The following PGBD5 variants were observed in gnomAD, a reference collection of about 807,000 sequenced individuals.
PGBD5 encodes the protein piggyBac transposable element-derived protein 5.
Under a neutral mutation model 47.9 loss-of-function variants are expected in PGBD5, and 14 were observed. The observed-to-expected ratio is 0.29, with a 90% CI of 0.19 to 0.46. The LOEUF (loss-of-function observed/expected upper bound fraction) is 0.46, where lower values mean the gene tolerates loss of function less well. Ranked by LOEUF, PGBD5 falls within the 20% of genes least tolerant of loss-of-function variation. The pLI, the probability that PGBD5 is intolerant of heterozygous loss-of-function variation, is 1.00. For synonymous variants in PGBD5, 316 were observed against 306.3 expected, an observed-to-expected ratio of 1.03 and a Z score of -0.33; for missense variants, 635 against 716.0, an observed-to-expected ratio of 0.89 and a Z score of 1.29.
intron 1 of PGBD5, among the ~76,000 whole-genome samples, chr1:230,369,656 C>T (rs1021492084): frequency 1.3e-5 from 2 of 152,108 alleles, no homozygotes; most frequent in African/African-American, 4.8e-5. Context: ...GAGTGTGTGT[C>T]ACAATATATC....
intron 1 of PGBD5, among the ~76,000 whole-genome samples, chr1:230,388,710 C>A (rs1012084305): frequency 1.3e-5 from 2 of 152,212 alleles, no homozygotes; most frequent in Admixed American, 6.5e-5. Flanking sequence ...CCACCGCACC[C>A]GGCCTGTTGG....
rs144593164 is a variant in PGBD5, at chr1:230,357,101, G to C, written c.552C>G (p.Ser184=). 1.9e-6 allele frequency: 3 copies of C among 1,614,154 alleles called. No homozygotes were observed. In the African/African-American group the frequency reaches 4.0e-5, roughly 22 times the overall value. ...AGCCTCCGCTCCAGATGCTGAGGACGGACTCGCAGTGGGAGATGCTGGTGG... is the reference window on the plus strand; with the variant it reads ...AGCCTCCGCTCCAGATGCTGAGGACCGACTCGCAGTGGGAGATGCTGGTGG... ...MISTSISHCE[S]VLSIWSGGFY... is the part of the protein sequence containing the mutation. The change falls in exon 2 of 7, where the codon TCC becomes TCG. Residue 184 remains serine (S), a synonymous_variant. Transcript: ENST00000391860. This position sits in a 1 kb window ranked among gnomAD's most constrained non-coding sequence, Gnocchi z 5.7.
chr1:230,400,360 A>C (rs1657106862), intron 1 of PGBD5, among the ~76,000 whole-genome samples: 1 of 149,648 alleles, frequency 6.7e-6, no homozygotes. Flanking sequence ...CAAGCCCCCT[A>C]AACCTGCCTA....
chr1:230,377,669 C>G (rs760984840), intron 1 of PGBD5: 2 of 1,452,448 alleles, frequency 1.4e-6, no homozygotes, highest in Non-Finnish European at 9.1e-7. Context: ...TAATCCCACA[C>G]AGCCTTCATT....
chr1:230,336,291 AAAGTG>A (rs1229382358), intron 4 of PGBD5: 1 of 152,192 alleles, frequency 6.6e-6, no homozygotes, highest in East Asian at 1.9e-4. Flanking sequence ...AGGCCAGCAA[AAAGTG>A]AAGTCCAGGG....
At position 230,330,378 on chromosome 1, in the gene PGBD5, T is replaced by C. The variant is rs1321938727; in HGVS notation, c.1273+2466A>G. Among the ~76,000 whole-genome samples the C allele has an allele frequency of 3.9e-5, 6 of 152,254 alleles. No individual in the cohort carries two copies. In the East Asian group the frequency reaches 1.2e-3, roughly 29 times the overall value. On this transcript the variant is annotated intron_variant, in intron 5 of 6. Transcript: ENST00000391860. ...CGCTTTTGGATTTACCCAGAGGAAA[T>C]GATCAAAGATGTGCCCAAATGTTTA...
chr1:230,335,670 T>C (rs1215248162), intron 4 of PGBD5, among the ~76,000 whole-genome samples: 5 of 29,024 alleles, frequency 1.7e-4, no homozygotes, highest in Admixed American at 3.9e-4. Context: ...CACACACAGA[T>C]ACACAGATAC....
intron 6 of PGBD5, among the ~76,000 whole-genome samples, chr1:230,324,711 G>C (rs1667088419): frequency 6.6e-6 from 1 of 152,144 alleles, no homozygotes; most frequent in Non-Finnish European, 1.5e-5. Flanking sequence ...CATCATGGTG[G>C]CTATAATGGC....
At chr1:230,399,060 G>GC (rs896737340) in intron 1 of PGBD5, among the ~76,000 whole-genome samples, 1 of 150,270 alleles carries the variant, frequency 6.7e-6, no homozygotes, top group South Asian at 2.1e-4. Context: ...GGTTACTAAG[G>GC]GGGGGTGGCT....
At chr1:230,338,114 A>G (rs1049418785) in intron 3 of PGBD5, among the ~76,000 whole-genome samples, 1 of 152,266 alleles carries the variant, frequency 6.6e-6, no homozygotes, top group Non-Finnish European at 1.5e-5. Flanking sequence ...TTATTTCTAC[A>G]TTAACACATG....
intron 3 of PGBD5, among the ~76,000 whole-genome samples, chr1:230,343,207 C>T (rs1001135495): frequency 2.6e-5 from 4 of 152,210 alleles, no homozygotes; most frequent in Non-Finnish European, 5.9e-5. Flanking sequence ...GCACCGCTGA[C>T]CCCTGTGGGA....
At chr1:230,381,699 G>C (rs968934882) in intron 1 of PGBD5, among the ~76,000 whole-genome samples, 1 of 152,160 alleles carries the variant, frequency 6.6e-6, no homozygotes, top group Admixed American at 6.5e-5. Context: ...CCTAGTCCAA[G>C]TCCCAGCCAC....
chr1:230,422,715 C>T (rs867510674), intron 1 of PGBD5, among the ~76,000 whole-genome samples: 2 of 152,256 alleles, frequency 1.3e-5, no homozygotes, highest in African/African-American at 2.4e-5. Context: ...AGGAGCTGAT[C>T]TAGGAAGCTA....
intron 1 of PGBD5, among the ~76,000 whole-genome samples, chr1:230,384,459 G>T (rs995389894): frequency 1.3e-5 from 2 of 152,278 alleles, no homozygotes; most frequent in Non-Finnish European, 2.9e-5. Flanking sequence ...ATGTGAAGCT[G>T]AACGAGGTGT....
chr1:230,377,611 T>C (rs1219532004), intron 1 of PGBD5: 7 of 1,548,234 alleles, frequency 4.5e-6, no homozygotes, highest in South Asian at 2.4e-5. Flanking sequence ...TCGAGTTCTG[T>C]AGTCAGGCAT....
chr1:230,349,586 G>A (rs1248715839), intron 3 of PGBD5, among the ~76,000 whole-genome samples: 1 of 149,750 alleles, frequency 6.7e-6, no homozygotes, highest in East Asian at 1.9e-4. Context: ...AGGATGGCAG[G>A]ACCACGTTTG....
At chr1:230,415,859 T>C (rs904337799) in intron 1 of PGBD5, among the ~76,000 whole-genome samples, 1 of 152,178 alleles carries the variant, frequency 6.6e-6, no homozygotes, top group Non-Finnish European at 1.5e-5. Context: ...TCCACACTCA[T>C]TGCTCTAATA....
rs1353990493 is a variant in PGBD5 at position 230,321,346 on chromosome 1, C to T, written c.*2079G>A. 6.6e-6 allele frequency: 1 copy of T among 152,062 alleles called. No homozygotes were observed. Among genetic ancestry groups the T allele is most frequent in the African/African-American group, 2.4e-5 (1 of 41,402 alleles). 9.4% of individuals were successfully genotyped at this position (152,062 alleles called of 1,614,324 possible). A position where few individuals can be genotyped will look rare whatever the true frequency, so the allele number is the denominator to read the frequency against. ...AGTAGCCTGTATTTTTGTTCCTTCA[C>T]CTTGTTTTTTTTCTTGATACAGGGT... On this transcript the variant is annotated 3_prime_UTR_variant, in exon 7 of 7. Transcript: ENST00000391860.
At chr1:230,408,218 A>G (rs927410776) in intron 1 of PGBD5, among the ~76,000 whole-genome samples, 1 of 152,216 alleles carries the variant, frequency 6.6e-6, no homozygotes, top group African/African-American at 2.4e-5. Flanking sequence ...TGAATCTAAT[A>G]CAGTATAAAT....
Sources: allele counts gnomAD v4.1 joint callset (sites outside exome capture counted in the v4.1 genomes callset), GRCh38; gene constraint gnomAD v4.1.1; non-coding constraint Gnocchi (gnomAD v3.1); transcripts MANE v1.5; gene names NCBI Gene and HGNC (gene_info 2026-07-23, HGNC 2026-07-21).